The following CACHD1 variants were observed in gnomAD, a reference collection of about 807,000 sequenced individuals.
The protein encoded by CACHD1 is cache domain containing 1, also known as VWFA and cache domain-containing protein 1.
Under a neutral mutation model 138.7 loss-of-function variants are expected in CACHD1, and 71 were observed. The observed-to-expected ratio is 0.51, with a 90% CI of 0.42 to 0.62. The LOEUF is 0.62. Among genes scored for constraint, CACHD1 ranks in the 20% least tolerant of loss-of-function variants. The pLI, the probability that CACHD1 is intolerant of heterozygous loss-of-function variation, is 0.00. For synonymous variants in CACHD1, 578 were observed against 591.5 expected, an observed-to-expected ratio of 0.98 and a Z score of 0.33; for missense variants, 1,389 against 1,625.3, an observed-to-expected ratio of 0.85 and a Z score of 2.50.
intron 2 of CACHD1, among the ~76,000 whole-genome samples, chr1:64,564,093 C>T (rs973254052): frequency 2.6e-5 from 4 of 152,154 alleles, no homozygotes; most frequent in Non-Finnish European, 5.9e-5. Context: ...TTTCTCTGAG[C>T]ACCACTTGCA....
At chr1:64,497,647 C>T (rs568010703) in intron 1 of CACHD1, among the ~76,000 whole-genome samples, 3 of 152,180 alleles carry the variant, frequency 2.0e-5, no homozygotes, top group South Asian at 4.1e-4. Context: ...CAGCCTCTGG[C>T]GGGAATATAA....
rs1553146851 is a variant in CACHD1, at chr1:64,681,541, G to GGTTTTTTTTTTTTTTTTTTTTT, written c.3484+206_3484+207insGTTTTTTTTTTTTTTTTTTTTT. On this transcript the variant is annotated intron_variant, in intron 25 of 26. Transcript: ENST00000651257. Reference sequence around the variant, plus strand: ...AGAGAATCTCAAAAGATTTTATTGTGTTTTTTTTTTTTTTTTTTTTTTTGC... The same window carrying GGTTTTTTTTTTTTTTTTTTTTT: ...AGAGAATCTCAAAAGATTTTATTGTGGTTTTTTTTTTTTTTTTTTTTTTTTTTTTTTTTTTTTTTTTTTTTGC... Among the ~76,000 whole-genome samples the GGTTTTTTTTTTTTTTTTTTTTT allele has an allele frequency of 2.9e-4, 20 of 68,144 alleles. 4 individuals are homozygous for GGTTTTTTTTTTTTTTTTTTTTT. Among genetic ancestry groups the GGTTTTTTTTTTTTTTTTTTTTT allele is most frequent in the African/African-American group, 1.3e-3 (18 of 13,656 alleles). The allele number at this position is 68,144 out of a possible 152,430, so 44.7% of individuals were successfully genotyped here.
chr1:64,503,276 T>A (rs1295269412), intron 1 of CACHD1, among the ~76,000 whole-genome samples: 1 of 152,134 alleles, frequency 6.6e-6, no homozygotes, highest in Non-Finnish European at 1.5e-5. Context: ...AATCCCCAGA[T>A]AAAACACTCC....
At chr1:64,614,569 C>T (rs556440830) in intron 4 of CACHD1, among the ~76,000 whole-genome samples, 1 of 151,990 alleles carries the variant, frequency 6.6e-6, no homozygotes, top group South Asian at 2.1e-4. Flanking sequence ...CCGCTGGGTA[C>T]CTGCTTGTGC....
chr1:64,539,066 G>A (rs949230845), intron 1 of CACHD1, among the ~76,000 whole-genome samples: 1 of 152,080 alleles, frequency 6.6e-6, no homozygotes, highest in African/African-American at 2.4e-5. Context: ...GAAACTCAAC[G>A]TCAGAGCCTC....
chr1:64,651,337 C>T (rs1649086325), intron 9 of CACHD1, among the ~76,000 whole-genome samples: 1 of 152,092 alleles, frequency 6.6e-6, no homozygotes, highest in Admixed American at 6.5e-5. Flanking sequence ...TGTTCAGATA[C>T]TGTACCTTTC....
In CACHD1 at chr1:64,643,863, A is replaced by G. The variant is rs138085557; in HGVS notation, c.1156+1894A>G. 9.9e-4 allele frequency among the ~76,000 whole-genome samples: 151 copies of G among 152,262 alleles called. 1 individual carries two copies. The highest frequency in any genetic ancestry group is 3.5e-3 in the African/African-American group (146 of 41,560). ...AATGGTCCTCAAAGCCAGCATAAGG[A>G]GTTTATGAAAGCTTATATGGTTTCC... is the stretch of plus-strand genomic sequence containing the variant. On this transcript the variant is annotated intron_variant, in intron 8 of 26. Transcript: ENST00000651257.
At chr1:64,591,298 G>T (rs1192664843) in intron 3 of CACHD1, among the ~76,000 whole-genome samples, 1 of 152,204 alleles carries the variant, frequency 6.6e-6, no homozygotes, top group Admixed American at 6.5e-5. Flanking sequence ...AATATATGGA[G>T]ATATGGAGGA....
chr1:64,659,695 T>C (rs989222865), intron 13 of CACHD1, among the ~76,000 whole-genome samples: 2 of 152,222 alleles, frequency 1.3e-5, no homozygotes, highest in African/African-American at 4.8e-5. Context: ...GCATTCGTGG[T>C]CTATGTTGTC....
intron 21 of CACHD1, among the ~76,000 whole-genome samples, 173 bp from the exon 22 acceptor site, chr1:64,676,722 A>G (rs902444377): frequency 6.6e-6 from 1 of 152,184 alleles, no homozygotes; most frequent in Non-Finnish European, 1.5e-5. Context: ...TACTGTATAT[A>G]AAGATAAGTA....
chr1:64,551,007 T>TG (rs1646755128), intron 2 of CACHD1, among the ~76,000 whole-genome samples: 1 of 152,192 alleles, frequency 6.6e-6, no homozygotes, highest in Non-Finnish European at 1.5e-5. Context: ...CGTCAAATTC[T>TG]GGTTTTCCTC....
Position 64,634,146 on chromosome 1 carries a change from T to G in CACHD1, c.892T>G (p.Ser298Ala). The G allele has an allele frequency of 4.3e-6, 7 of 1,613,918 alleles. No homozygotes were observed. Among genetic ancestry groups the G allele is most frequent in the Non-Finnish European group, 5.9e-6 (7 of 1,179,972 alleles). Reference sequence around the variant, plus strand: ...CACCAGTGAGACAAAAAGGAAAATGTCCACCTTTGTTAGCAGCGTGAAGTC... The same window carrying G: ...CACCAGTGAGACAAAAAGGAAAATGGCCACCTTTGTTAGCAGCGTGAAGTC... ...PATSETKRKMSTFVSSVKSSD... is the reference protein window; with the variant it reads ...PATSETKRKMATFVSSVKSSD... The change falls in exon 7 of 27, where the codon TCC (serine) becomes GCC (alanine). Residue 298 changes from serine to alanine, a missense_variant. Coordinates refer to ENST00000651257, the MANE Select transcript of CACHD1 (RefSeq NM_020925.4).
chr1:64,687,565 G>A (rs1307487788), intron 26 of CACHD1, among the ~76,000 whole-genome samples: 1 of 152,138 alleles, frequency 6.6e-6, no homozygotes, highest in African/African-American at 2.4e-5. Flanking sequence ...GAGTTGCCTT[G>A]GAGACAGCTG....
rs35423621 is a variant in CACHD1, at chr1:64,640,692, GACACACACACAC to G, written c.1007-1099_1007-1088del. Among the ~76,000 whole-genome samples the G allele has an allele frequency of 4.9e-3, 703 of 143,726 alleles. 13 individuals carry two copies. Among genetic ancestry groups the G allele is most frequent in the East Asian group, 0.04 (195 of 4,876 alleles). 94.3% of individuals were successfully genotyped at this position (143,726 alleles called of 152,430 possible). ...CAGTCTTAAAATATATATATATACA[GACACACACACAC>G]ACACACACACACACACACACACACA... On this transcript the variant is annotated intron_variant, in intron 7 of 26. Transcript: ENST00000651257.
chr1:64,567,358 G>T (rs998141110), intron 2 of CACHD1, among the ~76,000 whole-genome samples: 1 of 152,020 alleles, frequency 6.6e-6, no homozygotes, highest in Admixed American at 6.6e-5. Context: ...TTCAAATTAT[G>T]TATGTGTCCC....
rs1646750678 is a variant in CACHD1, at chr1:64,550,520, A to C, written c.199-74A>C. 5 of 1,063,796 alleles carry C rather than the reference A, an allele frequency of 4.7e-6. No individual in the cohort carries two copies. The Admixed American group carries it at 7.9e-5, about 17-fold the overall frequency. The allele number at this position is 1,063,796 out of a possible 1,614,324, so 65.9% of individuals were successfully genotyped here. ...TACTAGATTCTATTTGTTGTAAACA[A>C]ATTATTCACATACACACTCATGTAG... On this transcript the variant is annotated intron_variant, in intron 1 of 26. Coordinates refer to ENST00000651257, the MANE Select transcript of CACHD1 (RefSeq NM_020925.4).
In CACHD1 at chr1:64,663,764, C is replaced by T; in HGVS notation, c.2021C>T (p.Thr674Ile). The change falls in exon 14 of 27, where the codon ACA (threonine) becomes ATA (isoleucine). Residue 674 changes from threonine (T) to isoleucine (I), a missense_variant. This residue lies in a region of CACHD1 where 1,000 missense variants were observed against 1,114.7 expected (regional missense o/e 0.90). Transcript: ENST00000651257. Reference protein sequence around the residue: ...SPYEHLSQPETKRMVEHYTAY... With the variant: ...SPYEHLSQPEIKRMVEHYTAY... ...TATGAGCACCTCAGCCAGCCAGAGA[C>T]AAAGCGCATGGTAGAGCACTACACC... The T allele has an allele frequency of 1.9e-6, 3 of 1,614,052 alleles. No individual in the cohort carries two copies. The highest frequency in any genetic ancestry group is 2.5e-6 in the Non-Finnish European group (3 of 1,179,998).
At chr1:64,516,927 G>C (rs1222933655) in intron 1 of CACHD1, among the ~76,000 whole-genome samples, 1 of 152,204 alleles carries the variant, frequency 6.6e-6, no homozygotes, top group Non-Finnish European at 1.5e-5. Context: ...ATTAACTGGA[G>C]TCAGACAGAC....
chr1:64,640,386 T>C (rs111972397), intron 7 of CACHD1, among the ~76,000 whole-genome samples: 1 of 151,996 alleles, frequency 6.6e-6, no homozygotes, highest in East Asian at 1.9e-4. Flanking sequence ...CCTAAAAATT[T>C]TTATTGAGGC....
Sources: allele counts gnomAD v4.1 joint callset (sites outside exome capture counted in the v4.1 genomes callset), GRCh38; gene constraint gnomAD v4.1.1; regional missense constraint gnomAD v4.1.1; transcripts MANE v1.5; gene names NCBI Gene and HGNC (gene_info 2026-07-23, HGNC 2026-07-21).